TJP1: variants seen among roughly 807,000 people sequenced by gnomAD.
TJP1 encodes the protein tight junction protein 1, also known as tight junction protein ZO-1.
A neutral mutation model predicts 194.2 loss-of-function variants in TJP1; 43 were observed. That is an observed-to-expected ratio of 0.22 (90% CI 0.17 to 0.29). The LOEUF (loss-of-function observed/expected upper bound fraction) is 0.29, where lower values mean the gene tolerates loss of function less well. Among genes scored for constraint, TJP1 ranks in the 10% least tolerant of loss-of-function variants. TJP1 has a pLI of 1.00. For synonymous variants in TJP1, 801 were observed against 779.0 expected, an observed-to-expected ratio of 1.03 and a Z score of -0.47; for missense variants, 1,971 against 2,185.7, an observed-to-expected ratio of 0.90 and a Z score of 1.96.
Position 29,761,262 on chromosome 15 carries a change from G to A in TJP1, c.887C>T (p.Ala296Val), listed in dbSNP as rs1037488086. Residue 296 changes from alanine to valine, a missense_variant, in exon 8 of 28, where the codon GCA (alanine) becomes GTA (valine). Physicochemically the swap from Ala to Val is moderately conservative, Grantham distance 64. Coordinates refer to ENST00000614355, the MANE Select transcript of TJP1 (RefSeq NM_001330239.4). Reference protein sequence around the residue: ...RDDISEIQSLASDHSGRSHDR... With the variant: ...RDDISEIQSLVSDHSGRSHDR... ...GTGTGATCGACCAGAATGATCTGAT[G>A]CCAGTGACTGAATTTCTGAAATGTC... 28 of 1,613,412 alleles carry A rather than the reference G, an allele frequency of 1.7e-5. No individual in the cohort carries two copies. Among genetic ancestry groups the A allele is most frequent in the Non-Finnish European group, 2.3e-5 (27 of 1,179,886 alleles).
chr15:29,784,747 T>C (rs1422446402), intron 2 of TJP1, among the ~76,000 whole-genome samples: 1 of 152,200 alleles, frequency 6.6e-6, no homozygotes, highest in Non-Finnish European at 1.5e-5. Context: ...AATGACGAGA[T>C]ACATGGATAG....
intron 2 of TJP1, among the ~76,000 whole-genome samples, chr15:29,783,705 G>T (rs982661410): frequency 6.6e-6 from 1 of 152,156 alleles, no homozygotes; most frequent in African/African-American, 2.4e-5. Context: ...AACTAACACA[G>T]GAACAGAAAA....
intron 8 of TJP1, among the ~76,000 whole-genome samples, chr15:29,752,916 T>C (rs1361145779): frequency 6.6e-6 from 1 of 152,124 alleles, no homozygotes; most frequent in African/African-American, 2.4e-5. Flanking sequence ...CGAGTTTCCA[T>C]CTCAGGAGCA....
At chr15:29,943,354 G>T (rs181839674) in intron 2 of TJP1, among the ~76,000 whole-genome samples, 1 of 152,286 alleles carries the variant, frequency 6.6e-6, no homozygotes, top group Non-Finnish European at 1.5e-5. Context: ...ACACAGCCAG[G>T]CACAGTGGCT....
At chr15:29,739,286 T>C (rs1046474040) in intron 10 of TJP1, among the ~76,000 whole-genome samples, 1 of 152,210 alleles carries the variant, frequency 6.6e-6, no homozygotes, top group African/African-American at 2.4e-5. Context: ...TTATATTAAC[T>C]ACTTGCAGTA....
intron 8 of TJP1, among the ~76,000 whole-genome samples, chr15:29,745,991 T>C (rs951652679): frequency 6.6e-6 from 1 of 152,146 alleles, no homozygotes; most frequent in Admixed American, 6.5e-5. Context: ...GTTGGTGGAT[T>C]TGATCTATTT....
chr15:29,861,861 T>C (rs554962248), intron 2 of TJP1, among the ~76,000 whole-genome samples: 1 of 152,312 alleles, frequency 6.6e-6, no homozygotes, highest in East Asian at 1.9e-4. Context: ...TCATTGTACC[T>C]ATTTTTTTTC....
chr15:29,710,457 T>C (rs1459644269), intron 24 of TJP1, among the ~76,000 whole-genome samples: 1 of 152,228 alleles, frequency 6.6e-6, no homozygotes, highest in Admixed American at 6.5e-5. Context: ...ATCTACCTGG[T>C]ATGTAAATGC....
chr15:29,747,258 C>G (rs538289378), intron 8 of TJP1, among the ~76,000 whole-genome samples: 1 of 152,280 alleles, frequency 6.6e-6, no homozygotes, highest in African/African-American at 2.4e-5. Context: ...GCACTCCAGC[C>G]TGGGCAAGAC....
chr15:29,888,888 G>A (rs1004661175), intron 2 of TJP1, among the ~76,000 whole-genome samples: 4 of 152,200 alleles, frequency 2.6e-5, no homozygotes, highest in African/African-American at 4.8e-5. Flanking sequence ...AAAGCCCAGC[G>A]AGAATCACAG....
At chr15:29,886,668 G>A (rs785426) in intron 2 of TJP1, among the ~76,000 whole-genome samples, 70,473 of 150,138 alleles carry the variant, frequency 0.47, 17,234 homozygotes, top group African/African-American at 0.58. Context: ...CAGTTTGAAA[G>A]TATAGTAAAA....
chr15:29,856,224 C>T (rs2051844804), intron 2 of TJP1, among the ~76,000 whole-genome samples: 6 of 152,130 alleles, frequency 3.9e-5, no homozygotes, highest in Admixed American at 3.9e-4. Context: ...CACCGGGCAA[C>T]ATAGTGAGAC....
intron 1 of TJP1, among the ~76,000 whole-genome samples, chr15:29,957,097 G>A (rs150638982): frequency 7.6e-4 from 115 of 152,176 alleles, no homozygotes; most frequent in Non-Finnish European, 1.3e-3. Flanking sequence ...GCATGGTTTT[G>A]TTAAGCATGA....
intron 8 of TJP1, among the ~76,000 whole-genome samples, chr15:29,749,090 C>T (rs1215285519): frequency 6.6e-6 from 1 of 151,526 alleles, no homozygotes; most frequent in East Asian, 1.9e-4. Context: ...TAAGGTACCT[C>T]AAGATCCTCT....
intron 2 of TJP1, among the ~76,000 whole-genome samples, chr15:29,924,835 T>A (rs139209086): frequency 2.4e-3 from 367 of 152,302 alleles, no homozygotes; most frequent in Admixed American, 3.6e-3. Context: ...TTAGCTGTTA[T>A]CTAAGGAATG....
At chr15:29,966,326 T>A (rs57800517) in intron 1 of TJP1, among the ~76,000 whole-genome samples, 33,565 of 151,762 alleles carry the variant, frequency 0.22, 3,921 homozygotes, top group East Asian at 0.39. Context: ...AACATGGTAA[T>A]GCCCCATCTG....
intron 27 of TJP1, among the ~76,000 whole-genome samples, chr15:29,702,740 G>A (rs116140748): frequency 0.011 from 1,657 of 152,280 alleles, 25 homozygotes; most frequent in African/African-American, 0.038. Context: ...AGAAAATGGG[G>A]TACTTGTAAA....
At chr15:29,766,159 C>T (rs1014028982) in intron 5 of TJP1, 107 bp downstream of exon 5, 7 of 1,436,404 alleles carry the variant, frequency 4.9e-6, no homozygotes, top group African/African-American at 2.9e-5. Flanking sequence ...AGAACACAAA[C>T]ACAAAGACAA....
chr15:29,786,013 A>G (rs1348696044), intron 2 of TJP1, among the ~76,000 whole-genome samples: 1 of 152,194 alleles, frequency 6.6e-6, no homozygotes, highest in East Asian at 1.9e-4. Flanking sequence ...GGGGATCCCA[A>G]GAGATTTAAA....
Sources: gnomAD v4.1 joint callset for allele counts (sites outside exome capture counted in the v4.1 genomes callset) on GRCh38, gnomAD v4.1.1 for gene constraint, MANE v1.5 for transcripts, NCBI Gene and HGNC (gene_info 2026-07-23, HGNC 2026-07-21) for gene names.